Variants in PID1 observed in about 807,000 individuals in gnomAD.
PID1 encodes the protein phosphotyrosine interaction domain containing 1, also known as PTB-containing, cubilin and LRP1-interacting protein.
In PID1, 10 loss-of-function variants were observed where a neutral mutation model predicts 19.1. That is an observed-to-expected ratio of 0.52 (90% CI 0.32 to 0.89). PID1 has a LOEUF of 0.89. PID1 is among the 40% of genes least tolerant of loss of function. The pLI is 0.03. For synonymous variants in PID1, 130 were observed against 116.0 expected, an observed-to-expected ratio of 1.12 and a Z score of -0.78; for missense variants, 248 against 285.3, an observed-to-expected ratio of 0.87 and a Z score of 0.94.
intron 1 of PID1, among the ~76,000 whole-genome samples, chr2:229,200,636 C>G (rs1691479768): frequency 6.6e-6 from 1 of 152,032 alleles, no homozygotes; most frequent in African/African-American, 2.4e-5. Flanking sequence ...TACCCAGCAC[C>G]TCCATCTTCT....
At chr2:229,089,091 C>G (rs1694821797) in intron 2 of PID1, among the ~76,000 whole-genome samples, 2 of 152,036 alleles carry the variant, frequency 1.3e-5, no homozygotes, top group Non-Finnish European at 2.9e-5. Context: ...CTGAGACATT[C>G]AGAAGTAAAA....
At chr2:229,116,534 G>A (rs563049165) in intron 2 of PID1, among the ~76,000 whole-genome samples, 1 of 152,112 alleles carries the variant, frequency 6.6e-6, no homozygotes, top group Non-Finnish European at 1.5e-5. Context: ...AATCATGGGG[G>A]TGGGTCTTTC....
chr2:229,081,660 A>G (rs1694671155), intron 2 of PID1, among the ~76,000 whole-genome samples: 1 of 152,226 alleles, frequency 6.6e-6, no homozygotes, highest in Non-Finnish European at 1.5e-5. Flanking sequence ...TCTGAGTTAC[A>G]AAACATGACT....
At position 229,026,116 on chromosome 2, in the gene PID1, T is replaced by A; in HGVS notation, c.178-8A>T. ...TTTGCCCAGGTAGGTAACCTGCAGA[T>A]GCAAGAGAGGAAGAAAAGGGAGGCA... On this transcript the variant is annotated splice_region_variant and splice_polypyrimidine_tract_variant and intron_variant, in intron 2 of 2. Coordinates refer to ENST00000392055, the MANE Select transcript of PID1 (RefSeq NM_001100818.2). 6.3e-7 allele frequency: 1 copy of A among 1,599,582 alleles called. No individual in the cohort carries two copies. The highest frequency in any genetic ancestry group is 1.3e-5 in the African/African-American group (1 of 74,734).
chr2:229,099,606 C>CA (rs1249158207), intron 2 of PID1, among the ~76,000 whole-genome samples: 5 of 152,086 alleles, frequency 3.3e-5, no homozygotes, highest in Non-Finnish European at 7.4e-5. Context: ...TGTGATGCTC[C>CA]AACAGTGAAT....
chr2:229,181,961 C>T (rs933524508), intron 1 of PID1, among the ~76,000 whole-genome samples: 4 of 152,104 alleles, frequency 2.6e-5, no homozygotes, highest in African/African-American at 9.7e-5. Context: ...TCTGAGAAGG[C>T]CACATACTGT....
intron 1 of PID1, among the ~76,000 whole-genome samples, chr2:229,165,995 T>C (rs1690589433): frequency 6.6e-6 from 1 of 152,218 alleles, no homozygotes; most frequent in African/African-American, 2.4e-5. Context: ...TGACAGCAGA[T>C]GTCCTTATAA....
chr2:229,146,525 TTGTGTGTGTGTG>T (rs143860908), intron 2 of PID1, among the ~76,000 whole-genome samples: 1 of 148,620 alleles, frequency 6.7e-6, no homozygotes, highest in Non-Finnish European at 1.5e-5. Context: ...TGTGAACATT[TTGTGTGTGTGTG>T]TGTGTGTGTG....
At chr2:229,114,131 C>CTT (rs1400053073) in intron 2 of PID1, among the ~76,000 whole-genome samples, 6 of 147,940 alleles carry the variant, frequency 4.1e-5, no homozygotes, top group Non-Finnish European at 8.9e-5. Context: ...CTCTCTCTCT[C>CTT]TCTTTCTCTC....
intron 2 of PID1, among the ~76,000 whole-genome samples, chr2:229,070,881 T>C (rs1049883875): frequency 6.6e-6 from 1 of 152,232 alleles, no homozygotes; most frequent in Non-Finnish European, 1.5e-5. Context: ...TTAAAAGTTA[T>C]GAATGATCAA....
intron 2 of PID1, among the ~76,000 whole-genome samples, chr2:229,099,485 T>C (rs1018895736): frequency 5.3e-5 from 8 of 152,190 alleles, no homozygotes; most frequent in African/African-American, 1.9e-4. Flanking sequence ...TAATTGAACA[T>C]GCATAAAGAT....
chr2:229,254,498 G>A (rs1168944648), intron 1 of PID1, among the ~76,000 whole-genome samples: 1 of 152,160 alleles, frequency 6.6e-6, no homozygotes, highest in Non-Finnish European at 1.5e-5. Flanking sequence ...CTCCAGATGA[G>A]CCAATATACA....
intron 2 of PID1, among the ~76,000 whole-genome samples, chr2:229,147,202 G>A (rs1690153479): frequency 6.6e-6 from 1 of 152,124 alleles, no homozygotes; most frequent in South Asian, 2.1e-4. Context: ...ATTCTGTTTG[G>A]GCACAGAGAA....
intron 1 of PID1, among the ~76,000 whole-genome samples, chr2:229,175,809 G>A (rs768568050): frequency 4.6e-5 from 7 of 152,134 alleles, no homozygotes; most frequent in Non-Finnish European, 1.0e-4. Flanking sequence ...AAACAAAGAA[G>A]ACCCTTTCTT....
chr2:229,153,826 G>T (rs1018764302), intron 2 of PID1, among the ~76,000 whole-genome samples: 1 of 151,910 alleles, frequency 6.6e-6, no homozygotes, highest in Non-Finnish European at 1.5e-5. Flanking sequence ...TGCCCTTCCC[G>T]TTTTAAACAT....
chr2:229,205,328 T>A (rs1291293812), intron 1 of PID1, among the ~76,000 whole-genome samples: 1 of 152,068 alleles, frequency 6.6e-6, no homozygotes, highest in Non-Finnish European at 1.5e-5. Flanking sequence ...TCCATCTGTA[T>A]ATGTGTACAT....
intron 2 of PID1, among the ~76,000 whole-genome samples, chr2:229,125,284 G>C: frequency 6.6e-6 from 1 of 151,994 alleles, no homozygotes. Context: ...ACATGAATCA[G>C]AGCCCTCCAG....
intron 1 of PID1, among the ~76,000 whole-genome samples, chr2:229,191,551 G>A (rs1300554242): frequency 6.6e-6 from 1 of 152,130 alleles, no homozygotes; most frequent in African/African-American, 2.4e-5. Flanking sequence ...GAGTTCAGCA[G>A]CTAATACACA....
chr2:229,034,200 A>G (rs1297600298), intron 2 of PID1, among the ~76,000 whole-genome samples: 1 of 152,202 alleles, frequency 6.6e-6, no homozygotes, highest in Non-Finnish European at 1.5e-5. Context: ...TTGGAGGTCT[A>G]GAAGAATGCA....
Sources: gnomAD v4.1 joint callset for allele counts (sites outside exome capture counted in the v4.1 genomes callset) on GRCh38, gnomAD v4.1.1 for gene constraint, MANE v1.5 for transcripts, NCBI Gene and HGNC (gene_info 2026-07-23, HGNC 2026-07-21) for gene names.